IQCJ: variants seen among roughly 807,000 people sequenced by gnomAD.
IQCJ encodes the protein IQ motif containing J.
IQCJ carries 9 observed loss-of-function variants against 11.0 expected under a neutral mutation model. The ratio of observed to expected loss-of-function variants is 0.82; its 90% CI spans 0.49 to 1.43. The LOEUF is 1.43. Among genes scored for constraint, IQCJ ranks in the 40% most tolerant of loss-of-function variants. IQCJ has a pLI of 0.00. For missense variants in IQCJ, 146 were observed against 133.2 expected, an observed-to-expected ratio of 1.10 and a Z score of -0.47; for synonymous variants, 55 against 51.3, an observed-to-expected ratio of 1.07 and a Z score of -0.31.
chr3:159,161,834 T>C (rs897734126), intron 1 of IQCJ, among the ~76,000 whole-genome samples: 5 of 152,366 alleles, frequency 3.3e-5, no homozygotes, highest in South Asian at 4.1e-4. Flanking sequence ...AAAGATCAGA[T>C]AGCTGTAGAT....
chr3:159,191,939 T>A (rs983795888), intron 1 of IQCJ, among the ~76,000 whole-genome samples: 8 of 152,204 alleles, frequency 5.3e-5, no homozygotes, highest in Non-Finnish European at 7.3e-5. Flanking sequence ...TTTGGTACAT[T>A]CCTCCATAAA....
chr3:159,173,958 G>A (rs1276576097), intron 1 of IQCJ, among the ~76,000 whole-genome samples: 1 of 151,836 alleles, frequency 6.6e-6, no homozygotes, highest in Non-Finnish European at 1.5e-5. Flanking sequence ...AATCCTATAT[G>A]TATCTTAATT....
chr3:159,231,475 T>C (rs1417934315), intron 1 of IQCJ, among the ~76,000 whole-genome samples: 1 of 152,194 alleles, frequency 6.6e-6, no homozygotes, highest in Non-Finnish European at 1.5e-5. Context: ...TAGGAAATAA[T>C]AAAATTAAGC....
intron 1 of IQCJ, among the ~76,000 whole-genome samples, chr3:159,073,535 A>G (rs1462339014): frequency 1.3e-5 from 2 of 152,080 alleles, no homozygotes; most frequent in African/African-American, 4.8e-5. Context: ...CCCAGTCCCC[A>G]GAACCTCCCA....
intron 1 of IQCJ, among the ~76,000 whole-genome samples, chr3:159,177,454 A>G (rs1293491615): frequency 6.6e-6 from 1 of 152,206 alleles, no homozygotes; most frequent in Non-Finnish European, 1.5e-5. Flanking sequence ...AAAGTGTGGC[A>G]GTTTCTTATA....
At chr3:159,204,876 A>G (rs770615579) in intron 1 of IQCJ, among the ~76,000 whole-genome samples, 1 of 152,172 alleles carries the variant, frequency 6.6e-6, no homozygotes, top group Non-Finnish European at 1.5e-5. Context: ...TTTGCACTTT[A>G]CTTTCTGCAT....
chr3:159,182,557 C>A (rs1021531766), intron 1 of IQCJ, among the ~76,000 whole-genome samples: 2 of 151,890 alleles, frequency 1.3e-5, no homozygotes, highest in African/African-American at 4.9e-5. Flanking sequence ...CCGAGCTCCC[C>A]GAGTGAGCAA....
intron 1 of IQCJ, among the ~76,000 whole-genome samples, chr3:159,206,182 A>C (rs763463642): frequency 4.6e-5 from 7 of 152,180 alleles, no homozygotes; most frequent in African/African-American, 4.8e-5. Context: ...TTTTCAATGG[A>C]ACATGCTAAA....
At chr3:159,203,151 C>G (rs1724448728) in intron 1 of IQCJ, among the ~76,000 whole-genome samples, 1 of 150,252 alleles carries the variant, frequency 6.7e-6, no homozygotes, top group Non-Finnish European at 1.5e-5. Flanking sequence ...CTCCTTCATT[C>G]AAGATGTAAG....
rs1035533504 is a variant in IQCJ at position 159,110,607 on chromosome 3, C to T, written c.9+41166C>T. 3.3e-5 allele frequency among the ~76,000 whole-genome samples: 5 copies of T among 152,150 alleles called. No individual in the cohort carries two copies. The East Asian group carries it at 5.8e-4, about 18-fold the overall frequency. On this transcript the variant is annotated intron_variant, in intron 1 of 3. Transcript: ENST00000397832. ...CTGCCATGATAGTTGTTTACAGGAC[C>T]AGTCTCCTTGTGTAGACCGTGACTG...
At chr3:159,190,367 T>G (rs886411220) in intron 1 of IQCJ, among the ~76,000 whole-genome samples, 3 of 152,220 alleles carry the variant, frequency 2.0e-5, no homozygotes, top group Non-Finnish European at 4.4e-5. Flanking sequence ...TGCCAGGGCA[T>G]GTTTAAAGCT....
At chr3:159,148,454 AT>A (rs1390493700) in intron 1 of IQCJ, among the ~76,000 whole-genome samples, 2 of 152,212 alleles carry the variant, frequency 1.3e-5, no homozygotes, top group African/African-American at 4.8e-5. Context: ...AGTTCTCAAT[AT>A]GTTTATTTTA....
chr3:159,182,488 G>C (rs929120627), intron 1 of IQCJ, among the ~76,000 whole-genome samples: 3 of 152,042 alleles, frequency 2.0e-5, no homozygotes. Context: ...CAGACACCGA[G>C]TTAAAGAAGG....
At chr3:159,195,752 C>G (rs576527523) in intron 1 of IQCJ, among the ~76,000 whole-genome samples, 11 of 152,288 alleles carry the variant, frequency 7.2e-5, no homozygotes, top group Admixed American at 7.2e-4. Flanking sequence ...CCCCGTAGTG[C>G]AATTGAGACT....
chr3:159,253,870 G>A (rs1419604416), intron 3 of IQCJ, among the ~76,000 whole-genome samples: 1 of 152,184 alleles, frequency 6.6e-6, no homozygotes, highest in Non-Finnish European at 1.5e-5. Context: ...ATATCCTGCT[G>A]GATAAGAGCA....
At chr3:159,078,996 T>A (rs1245533705) in intron 1 of IQCJ, among the ~76,000 whole-genome samples, 1 of 151,986 alleles carries the variant, frequency 6.6e-6, no homozygotes, top group Middle Eastern at 3.2e-3. Context: ...TAAATCAGGG[T>A]CCAGGTCATT....
chr3:159,104,653 C>A (rs1028647783), intron 1 of IQCJ, among the ~76,000 whole-genome samples: 4 of 152,146 alleles, frequency 2.6e-5, no homozygotes, highest in African/African-American at 9.7e-5. Flanking sequence ...TTTTCCACAC[C>A]GTGCCATTCT....
At chr3:159,082,153 A>C (rs1234038338) in intron 1 of IQCJ, among the ~76,000 whole-genome samples, 1 of 152,170 alleles carries the variant, frequency 6.6e-6, no homozygotes, top group Non-Finnish European at 1.5e-5. Context: ...AAAATCTTAC[A>C]CAACCTGGTA....
At chr3:159,254,274 C>T (rs1269644908) in intron 3 of IQCJ, among the ~76,000 whole-genome samples, 1 of 152,022 alleles carries the variant, frequency 6.6e-6, no homozygotes, top group Non-Finnish European at 1.5e-5. Flanking sequence ...TTTTTCAGTT[C>T]CCATCACCTT....
Sources: gnomAD v4.1 joint callset for allele counts (sites outside exome capture counted in the v4.1 genomes callset) on GRCh38, gnomAD v4.1.1 for gene constraint, MANE v1.5 for transcripts, NCBI Gene and HGNC (gene_info 2026-07-23, HGNC 2026-07-21) for gene names.